The following DNAH10 variants were observed in gnomAD, a reference collection of about 807,000 sequenced individuals.
DNAH10 encodes dynein axonemal heavy chain 10, also known as axonemal beta dynein heavy chain 10.
In DNAH10, 348 loss-of-function variants were observed where a neutral mutation model predicts 506.6. The observed-to-expected ratio is 0.69, with a 90% confidence interval of 0.63 to 0.75. The LOEUF (loss-of-function observed/expected upper bound fraction) is 0.75. Among genes scored for constraint, DNAH10 ranks in the 30% least tolerant of loss-of-function variants. The probability of loss-of-function intolerance (pLI) is 0.00; values close to 1 mark genes in which losing one functional copy is unlikely to be tolerated. For missense variants in DNAH10, 5,179 were observed against 5,787.1 expected (o/e 0.89, Z 3.41); for synonymous variants, 2,059 against 2,198.6 (o/e 0.94, Z 1.78).
rs1959189696 is a variant in DNAH10 at position 123,818,852 on chromosome 12, A to G, written c.3781-98A>G. The G allele has an allele frequency of 3.8e-6, 3 of 796,130 alleles. No individual in the cohort carries two copies. The South Asian group carries it at 5.2e-5, about 14-fold the overall frequency. The allele number at this position is 796,130 out of a possible 1,614,324, so 49.3% of individuals were successfully genotyped here. The stretch of plus-strand genomic sequence containing the variant: ...TTGAATTACCTAGCCTCCTGTTGCC[A>G]CAAGCAGAAGTCCCTGGGAGGTAAC... On this transcript the variant is annotated intron_variant, in intron 21 of 78. Coordinates refer to ENST00000673944, the MANE Select transcript of DNAH10 (RefSeq NM_001372106.1).
At position 123,833,244 on chromosome 12, in the gene DNAH10, CT is replaced by C. The variant is rs746498935; in HGVS notation, c.4679del (p.Phe1560SerfsTer28). 1 of 1,613,932 alleles carries C rather than the reference CT, an allele frequency of 6.2e-7. No homozygotes were observed. Among genetic ancestry groups the C allele is most frequent in the Admixed American group, 1.7e-5 (1 of 60,022 alleles). Reference protein sequence around the residue: ...DEIIQSLDDNTFNLQSISGSR... With the variant: ...DEIIQSLDDNXFNLQSISGSR... Reference sequence around the variant, plus strand: ...ATTATTCAGTCTCTTGATGACAACACTTTCAACCTGCAGAGCATCTCAGGAA... The same window carrying C: ...ATTATTCAGTCTCTTGATGACAACACTTCAACCTGCAGAGCATCTCAGGAA... On this transcript the variant is annotated frameshift_variant, in exon 27 of 79. Transcript: ENST00000673944. LOFTEE classifies it high-confidence loss of function.
At chr12:123,906,418 T>C (rs1252335039) in intron 57 of DNAH10, among the ~76,000 whole-genome samples, 2 of 151,930 alleles carry the variant, frequency 1.3e-5, no homozygotes, top group African/African-American at 4.8e-5. Flanking sequence ...ATGTTTGTAT[T>C]TTTAGTAGAG....
Position 123,846,939 on chromosome 12 carries a change from G to A in DNAH10, c.5814+785G>A, listed in dbSNP as rs887468045. Among the ~76,000 whole-genome samples, 28 of 152,252 alleles carry A rather than the reference G, an allele frequency of 1.8e-4. No individual in the cohort carries two copies. Among genetic ancestry groups the A allele is most frequent in the Admixed American group, 1.0e-3 (16 of 15,288 alleles). ...GAATGAGTGAGAACAGGAAGCCCCTGCTGCCTCCTGTGCTGTGAGTGATAA... is the reference window on the plus strand; with the variant it reads ...GAATGAGTGAGAACAGGAAGCCCCTACTGCCTCCTGTGCTGTGAGTGATAA... On this transcript the variant is annotated intron_variant, in intron 32 of 78. Coordinates refer to ENST00000673944, the MANE Select transcript of DNAH10 (RefSeq NM_001372106.1). The surrounding 1 kb of genome is among the most constrained non-coding windows in gnomAD (Gnocchi z 4.5).
chr12:123,804,749 C>T, intron 17 of DNAH10, 84 bp from the exon 18 acceptor site: 1 of 1,407,686 alleles, frequency 7.1e-7, no homozygotes, highest in Non-Finnish European at 9.8e-7. Context: ...TTTTTTAAGA[C>T]ACACAGCTCA....
Position 123,926,978 on chromosome 12 carries a change from A to G in DNAH10, c.12105+158A>G. 1.3e-6 allele frequency: 1 copy of G among 756,754 alleles called. No individual in the cohort carries two copies. Among genetic ancestry groups the G allele is most frequent in the Non-Finnish European group, 2.1e-6 (1 of 476,546 alleles). 46.9% of individuals were successfully genotyped at this position (756,754 alleles called of 1,614,324 possible). A position where few individuals can be genotyped will look rare whatever the true frequency, so the allele number is the denominator to read the frequency against. ...AGTAATGAAACACTGGGAAGATGAC[A>G]ATAATAGTTATGATTTCACAACCTC... On this transcript the variant is annotated intron_variant, in intron 69 of 78. Coordinates refer to ENST00000673944, the MANE Select transcript of DNAH10 (RefSeq NM_001372106.1). The surrounding 1 kb of genome is among the most constrained non-coding windows in gnomAD (Gnocchi z 4.1).
At chr12:123,809,699 T>G (rs1433828944) in intron 19 of DNAH10, among the ~76,000 whole-genome samples, 2 of 142,206 alleles carry the variant, frequency 1.4e-5, no homozygotes, top group Non-Finnish European at 3.1e-5. Context: ...GTGTCATCCC[T>G]GTTGTAAACT....
chr12:123,784,194 G>T lies in DNAH10; in HGVS notation c.1230+17G>T. ...TATTTCAAGGTATGCTGGGTGTGCT[G>T]CACTTTGCAGTCAGCTCTGTCAAAG... On this transcript the variant is annotated intron_variant, in intron 8 of 78. Coordinates refer to ENST00000673944, the MANE Select transcript of DNAH10 (RefSeq NM_001372106.1). 6.2e-7 allele frequency: 1 copy of T among 1,600,028 alleles called. No individual in the cohort carries two copies. The highest frequency in any genetic ancestry group is 1.1e-5 in the South Asian group (1 of 90,774).
intron 49 of DNAH10, 102 bp from the exon 50 acceptor site, chr12:123,879,532 C>A: frequency 2.0e-6 from 3 of 1,529,094 alleles, no homozygotes; most frequent in Non-Finnish European, 1.8e-6. Context: ...AAAAATAGAA[C>A]GCAAATTATT....
intron 16 of DNAH10, among the ~76,000 whole-genome samples, chr12:123,802,302 G>A (rs1382138247): frequency 1.3e-5 from 2 of 152,076 alleles, no homozygotes; most frequent in Non-Finnish European, 2.9e-5. Context: ...TTTAGTTTAA[G>A]GTTGTTGTTG....
intron 40 of DNAH10, among the ~76,000 whole-genome samples, chr12:123,865,517 G>A (rs577372443): frequency 2.0e-5 from 3 of 151,904 alleles, no homozygotes; most frequent in African/African-American, 4.8e-5. Flanking sequence ...GAGAGAGCTA[G>A]GTTTGTTAAT....
In DNAH10 at chr12:123,919,465, A is replaced by G. The variant is rs763802057; in HGVS notation, c.11506+516A>G. ...AAGATAGCAGCTTTATTGAGACACA[A>G]TTTACATACCATAAATTCGTCCTTT... On this transcript the variant is annotated intron_variant, in intron 65 of 78. Coordinates refer to ENST00000673944, the MANE Select transcript of DNAH10 (RefSeq NM_001372106.1). This position sits in a 1 kb window ranked among gnomAD's most constrained non-coding sequence, Gnocchi z 4.9. Among the ~76,000 whole-genome samples the G allele has an allele frequency of 1.3e-5, 2 of 152,268 alleles. No homozygotes were observed.
At chr12:123,815,575 G>T (rs113407692) in intron 21 of DNAH10, among the ~76,000 whole-genome samples, 1 of 152,158 alleles carries the variant, frequency 6.6e-6, no homozygotes, top group Non-Finnish European at 1.5e-5. Context: ...GGGGAAATCC[G>T]TGTCTTGTTC....
chr12:123,814,775 C>T (rs746270520), intron 21 of DNAH10, among the ~76,000 whole-genome samples: 5 of 152,036 alleles, frequency 3.3e-5, no homozygotes, highest in African/African-American at 7.2e-5. Flanking sequence ...CCACCACACC[C>T]GGCTAATTAT....
In DNAH10 at chr12:123,794,067, AATG is replaced by A; in HGVS notation, c.1949_1951del (p.Met650del). 2.3e-6 allele frequency: 3 copies of A among 1,283,162 alleles called. No homozygotes were observed. The highest frequency in any genetic ancestry group is 3.0e-6 in the Non-Finnish European group (3 of 985,322). The allele number at this position is 1,283,162 out of a possible 1,614,324, so 79.5% of individuals were successfully genotyped here. A position where few individuals can be genotyped will look rare whatever the true frequency, so the allele number is the denominator to read the frequency against. On this transcript the variant is annotated inframe_deletion, in exon 12 of 79. Transcript: ENST00000673944. Reference sequence around the variant, plus strand: ...GTTCACGGGAGGCTGTTAATCGACAAATGATGATGAAATTTAATGATATTCTTG... The same window carrying A: ...GTTCACGGGAGGCTGTTAATCGACAAATGATGAAATTTAATGATATTCTTG...
intron 1 of DNAH10, among the ~76,000 whole-genome samples, chr12:123,764,879 G>A (rs1323612545): frequency 1.3e-5 from 2 of 152,118 alleles, no homozygotes; most frequent in Admixed American, 6.5e-5. Context: ...GCCAGATGGC[G>A]TCGGGTGTTG....
intron 39 of DNAH10, among the ~76,000 whole-genome samples, chr12:123,863,531 G>A (rs557988788): frequency 6.6e-6 from 1 of 152,324 alleles, no homozygotes; most frequent in East Asian, 1.9e-4. Context: ...AGGCTCTAGG[G>A]CAAATCCTCA....
At chr12:123,800,489 T>C in intron 15 of DNAH10, 101 bp downstream of exon 15, 4 of 1,145,234 alleles carry the variant, frequency 3.5e-6, no homozygotes. Flanking sequence ...GCTTTCATTT[T>C]TGTGGATTTT....
At chr12:123,910,262 G>A (rs1009080104) in intron 58 of DNAH10, among the ~76,000 whole-genome samples, 1 of 152,182 alleles carries the variant, frequency 6.6e-6, no homozygotes, top group African/African-American at 2.4e-5. Context: ...AGCCACCTGG[G>A]TGCCCAGTTG....
rs1955047064 is a variant in DNAH10 at position 123,928,527 on chromosome 12, G to C, written c.12246G>C (p.Leu4082=). 1 of 1,611,276 alleles carries C rather than the reference G, an allele frequency of 6.2e-7. No individual in the cohort carries two copies. The change falls in exon 70 of 79, where the codon CTG becomes CTC. Residue 4082 remains leucine (L), a synonymous_variant. Transcript: ENST00000673944. The surrounding 1 kb of genome is among the most constrained non-coding windows in gnomAD (Gnocchi z 4.9). The part of the protein sequence containing the change: ...RITKPHPDFR[L]WLTTDPTKGF... The stretch of plus-strand genomic sequence containing the variant: ...CCAAGCCCCACCCAGACTTCCGCCT[G>C]TGGCTCACCACGGACCCCACCAAGG...
Sources: gnomAD v4.1 joint callset for allele counts (sites outside exome capture counted in the v4.1 genomes callset) on GRCh38, gnomAD v4.1.1 for gene constraint, Gnocchi (gnomAD v3.1) non-coding constraint, MANE v1.5 for transcripts, NCBI Gene and HGNC (gene_info 2026-07-23, HGNC 2026-07-21) for gene names.